The following PTPRD variants were observed in gnomAD, a reference collection of about 807,000 sequenced individuals.
PTPRD encodes protein tyrosine phosphatase receptor type D.
In PTPRD, 34 loss-of-function variants were observed where a neutral mutation model predicts 214.5. The ratio of observed to expected loss-of-function variants is 0.16; its 90% confidence interval spans 0.12 to 0.21. The LOEUF is 0.21. PTPRD is among the 10% of genes least tolerant of loss of function. PTPRD has a pLI of 1.00. For synonymous variants in PTPRD, 1,128 were observed against 845.7 expected (o/e 1.33, Z -5.79); for missense variants, 2,545 against 2,398.7 (o/e 1.06, Z -1.27).
At chr9:8,840,248 C>G (rs1020907131) in intron 11 of PTPRD, among the ~76,000 whole-genome samples, 1 of 152,136 alleles carries the variant, frequency 6.6e-6, no homozygotes, top group Admixed American at 6.5e-5. Context: ...GTAGGAGATA[C>G]CTGGTGGGAG....
chr9:8,829,018 G>A (rs993008522), intron 11 of PTPRD, among the ~76,000 whole-genome samples: 4 of 152,150 alleles, frequency 2.6e-5, no homozygotes, highest in African/African-American at 9.7e-5. Flanking sequence ...TCTATCATAT[G>A]CATCCATTTT....
intron 14 of PTPRD, among the ~76,000 whole-genome samples, chr9:8,619,417 G>C (rs549311034): frequency 3.7e-4 from 55 of 149,216 alleles, no homozygotes; most frequent in African/African-American, 1.3e-3. Context: ...AATTTTTTTA[G>C]ATTCCACAAA....
chr9:9,998,129 A>AAAAATATATATATATATATATATATATAT (rs57991748), intron 4 of PTPRD, among the ~76,000 whole-genome samples: 1 of 91,494 alleles, frequency 1.1e-5, no homozygotes, highest in African/African-American at 5.9e-5. Flanking sequence ...AAAAAAAAAA[A>AAAAATATATATATATATATATATATATAT]ATATATATAT....
chr9:10,316,972 A>T (rs541935425), intron 3 of PTPRD, among the ~76,000 whole-genome samples: 1 of 152,104 alleles, frequency 6.6e-6, no homozygotes, highest in East Asian at 1.9e-4. Context: ...ATTAAAAACA[A>T]AACAAAAAAC....
At chr9:9,394,732 G>A (rs763837096) in intron 9 of PTPRD, among the ~76,000 whole-genome samples, 14 of 151,962 alleles carry the variant, frequency 9.2e-5, no homozygotes, top group Non-Finnish European at 2.1e-4. Context: ...TTTAAAGAAC[G>A]GGAATATGTA....
rs1448675779 is a variant in PTPRD at position 8,314,667 on chromosome 9, AG to A, written c.*3206del. On this transcript the variant is annotated 3_prime_UTR_variant, in exon 46 of 46. Coordinates refer to ENST00000381196, the MANE Select transcript of PTPRD (RefSeq NM_002839.4). ...AAACAAAAAGGGAATTAAAAATAAA[AG>A]GACTTAAAGCAAAACCGAAAATAAA... 1 of 232,054 alleles carries A rather than the reference AG, an allele frequency of 4.3e-6. No individual in the cohort carries two copies. The highest frequency in any genetic ancestry group is 8.5e-6 in the Non-Finnish European group (1 of 117,212). 14.4% of individuals were successfully genotyped at this position (232,054 alleles called of 1,614,324 possible). A position where few individuals can be genotyped will look rare whatever the true frequency, so the allele number is the denominator to read the frequency against.
intron 3 of PTPRD, among the ~76,000 whole-genome samples, chr9:10,172,325 C>G (rs1489834726): frequency 6.6e-6 from 1 of 152,044 alleles, no homozygotes; most frequent in African/African-American, 2.4e-5. Flanking sequence ...ATATCACCAC[C>G]CCATATGCAG....
At chr9:10,146,585 G>C (rs17693050) in intron 3 of PTPRD, among the ~76,000 whole-genome samples, 4,539 of 152,192 alleles carry the variant, frequency 0.03, 81 homozygotes, top group South Asian at 0.066. Flanking sequence ...AAATAGTCTT[G>C]AAAGCTAGAA....
At chr9:10,273,089 G>C (rs150249370) in intron 3 of PTPRD, among the ~76,000 whole-genome samples, 3 of 152,136 alleles carry the variant, frequency 2.0e-5, no homozygotes, top group African/African-American at 7.2e-5. Flanking sequence ...CTAATTTCCA[G>C]TTCTGATATT....
chr9:9,205,624 C>G (rs113183273), intron 9 of PTPRD, among the ~76,000 whole-genome samples: 1 of 152,176 alleles, frequency 6.6e-6, no homozygotes, highest in Admixed American at 6.5e-5. Context: ...ACTAAGCATA[C>G]ATTTTATATC....
At chr9:9,377,680 C>A (rs906720769) in intron 9 of PTPRD, among the ~76,000 whole-genome samples, 1 of 151,984 alleles carries the variant, frequency 6.6e-6, no homozygotes, top group African/African-American at 2.4e-5. Flanking sequence ...CAGACATTGA[C>A]TACAAACAGC....
intron 12 of PTPRD, among the ~76,000 whole-genome samples, chr9:8,637,136 T>C (rs1157978431): frequency 6.6e-6 from 1 of 152,180 alleles, no homozygotes; most frequent in Non-Finnish European, 1.5e-5. Flanking sequence ...TTAATTTTTA[T>C]TACCAGTATA....
chr9:9,893,121 C>G (rs10816217), intron 5 of PTPRD, among the ~76,000 whole-genome samples: 38,158 of 151,852 alleles, frequency 0.25, 5,356 homozygotes, highest in African/African-American at 0.37. Flanking sequence ...GAGAATATCA[C>G]TATATAGAAT....
chr9:10,507,487 C>T (rs544810397), intron 2 of PTPRD, among the ~76,000 whole-genome samples: 98 of 152,168 alleles, frequency 6.4e-4, no homozygotes, highest in Non-Finnish European at 1.2e-3. Flanking sequence ...GCCCGCATTG[C>T]CAAGACAATC....
intron 39 of PTPRD, among the ~76,000 whole-genome samples, chr9:8,358,878 C>A (rs993637998): frequency 5.9e-5 from 9 of 151,428 alleles, no homozygotes; most frequent in African/African-American, 2.2e-4. Context: ...GAGGCCGAGG[C>A]GGGCGGATCA....
chr9:9,795,334 C>T (rs944899543), intron 5 of PTPRD, among the ~76,000 whole-genome samples: 7 of 151,986 alleles, frequency 4.6e-5, no homozygotes, highest in African/African-American at 1.7e-4. Flanking sequence ...TTTAGGAATA[C>T]TATCACCAGA....
intron 3 of PTPRD, among the ~76,000 whole-genome samples, chr9:10,149,481 A>C (rs2099045788): frequency 1.3e-5 from 2 of 152,136 alleles, no homozygotes; most frequent in Non-Finnish European, 1.5e-5. Context: ...CTTTAAATGA[A>C]TAGCAGATGG....
At chr9:8,698,215 T>C (rs895190535) in intron 12 of PTPRD, among the ~76,000 whole-genome samples, 4 of 152,258 alleles carry the variant, frequency 2.6e-5, no homozygotes, top group African/African-American at 9.6e-5. Context: ...TGCATACTTA[T>C]GCACTGAATA....
chr9:8,992,543 T>C (rs1284489666), intron 11 of PTPRD, among the ~76,000 whole-genome samples: 1 of 152,078 alleles, frequency 6.6e-6, no homozygotes. Context: ...ATACTAGAGG[T>C]TTGGTTATTT....
Sources: allele counts gnomAD v4.1 joint callset (sites outside exome capture counted in the v4.1 genomes callset), GRCh38; gene constraint gnomAD v4.1.1; transcripts MANE v1.5; gene names NCBI Gene and HGNC (gene_info 2026-07-23, HGNC 2026-07-21).